DISP3: variants seen among roughly 807,000 people sequenced by gnomAD.
DISP3 encodes dispatched RND transporter family member 3, also known as protein dispatched homolog 3.
Under a neutral mutation model 135.3 loss-of-function variants are expected in DISP3, and 101 were observed. That is an observed-to-expected ratio of 0.75 (90% CI 0.64 to 0.88). DISP3 has a LOEUF of 0.88. Among genes scored for constraint, DISP3 ranks in the 40% least tolerant of loss-of-function variants. DISP3 has a pLI of 0.00. For missense variants in DISP3, 1,713 were observed against 1,878.6 expected (o/e 0.91, Z 1.63); for synonymous variants, 856 against 817.0 (o/e 1.05, Z -0.81).
At position 11,522,958 on chromosome 1, in the gene DISP3, G is replaced by A. The variant is rs995260624; in HGVS notation, c.2363-984G>A. ...CAGGACCCAGCCAGAGCCCAACCAG[G>A]ACCCAGCCAGGACCCAGCCGGAGCC... On this transcript the variant is annotated intron_variant, in intron 10 of 20. Coordinates refer to ENST00000294484, the MANE Select transcript of DISP3 (RefSeq NM_020780.2). Among the ~76,000 whole-genome samples, 55 of 130,336 alleles carry A rather than the reference G, an allele frequency of 4.2e-4. 3 individuals carry two copies. The highest frequency in any genetic ancestry group is 1.0e-3 in the African/African-American group (31 of 30,328). 85.5% of individuals were successfully genotyped at this position (130,336 alleles called of 152,430 possible). A position where few individuals can be genotyped will look rare whatever the true frequency, so the allele number is the denominator to read the frequency against.
chr1:11,526,942 CA>C, intron 13 of DISP3, 107 bp downstream of exon 13: 1 of 1,268,442 alleles, frequency 7.9e-7, no homozygotes, highest in South Asian at 1.6e-5. Flanking sequence ...CAGGCCCCCT[CA>C]CTTTTTTTTT....
Position 11,502,736 on chromosome 1 carries a change from C to T in DISP3, c.1155C>T (p.Leu385=), listed in dbSNP as rs115913448. Reference sequence around the variant, plus strand: ...TCTACTGGTATGTGGATGAGGGCCTCTCTGCAGACAATCTGAAGAGCTCCC... The same window carrying T: ...TCTACTGGTATGTGGATGAGGGCCTTTCTGCAGACAATCTGAAGAGCTCCC... ...PEFYWYVDEG[L]SADNLKSSLL... The change falls in exon 3 of 21, where the codon CTC becomes CTT. Residue 385 remains leucine (L), a synonymous_variant. Coordinates refer to ENST00000294484, the MANE Select transcript of DISP3 (RefSeq NM_020780.2). 123 of 1,614,194 alleles carry T rather than the reference C, an allele frequency of 7.6e-5. No homozygotes were observed. Among genetic ancestry groups the T allele is most frequent in the Non-Finnish European group, 9.8e-5 (116 of 1,180,032 alleles).
chr1:11,516,157 C>G lies in DISP3; in HGVS notation c.1745C>G (p.Ser582Cys). 6.2e-7 allele frequency: 1 copy of G among 1,613,650 alleles called. No individual in the cohort carries two copies. The highest frequency in any genetic ancestry group is 8.5e-7 in the Non-Finnish European group (1 of 1,179,702). Residue 582 changes from serine to cysteine, a missense_variant, in exon 6 of 21, where the codon TCC (serine) becomes TGC (cysteine). Physicochemically the swap from Ser to Cys is moderately radical, Grantham distance 112. Transcript: ENST00000294484. This position sits in a 1 kb window ranked among gnomAD's most constrained non-coding sequence, Gnocchi z 5.1. ...GCCGCCTACGCAGCTAACGTCTTCT[C>G]CCAGGTGCGGACCTGTCCTCCATTC... ...TAAAYAANVF[S>C]QIPAVHDFGL...
chr1:11,530,794 G>A, intron 15 of DISP3, 113 bp from the exon 16 acceptor site: 2 of 1,410,820 alleles, frequency 1.4e-6, no homozygotes, highest in East Asian at 4.7e-5. Flanking sequence ...ACATGAGGGT[G>A]ACAGGTAGCA....
In DISP3 at chr1:11,502,756, G is replaced by A. The variant is rs1213975500; in HGVS notation, c.1175G>A (p.Ser392Asn). 3 of 1,614,202 alleles carry A rather than the reference G, an allele frequency of 1.9e-6. No individual in the cohort carries two copies. Among genetic ancestry groups the A allele is most frequent in the Non-Finnish European group, 2.5e-6 (3 of 1,180,032 alleles). The stretch of plus-strand genomic sequence containing the variant: ...GGCCTCTCTGCAGACAATCTGAAGA[G>A]CTCCCTCCTGCGCAGTGAGATCCTG... The part of the protein sequence containing the change: ...DEGLSADNLK[S>N]SLLRSEILFG... The change falls in exon 3 of 21, where the codon AGC becomes AAC. Residue 392 changes from serine to asparagine, a missense_variant. This residue lies in a region of DISP3 where 1,142 missense variants were observed against 1,384.6 expected (regional missense o/e 0.82). Coordinates refer to ENST00000294484, the MANE Select transcript of DISP3 (RefSeq NM_020780.2).
chr1:11,531,645 C>T lies in DISP3; in HGVS notation c.3310C>T (p.Leu1104=). ...LPEPNLLPGQ[L]SHGAVGVREG... ...CGAGCCCAACCTGCTCCCGGGGCAGCTGTCCCACGGGGCAGTGGGCGTCAG... is the reference window on the plus strand; with the variant it reads ...CGAGCCCAACCTGCTCCCGGGGCAGTTGTCCCACGGGGCAGTGGGCGTCAG... The change falls in exon 17 of 21, where the codon CTG becomes TTG. Residue 1104 remains leucine, a synonymous_variant. Coordinates refer to ENST00000294484, the MANE Select transcript of DISP3 (RefSeq NM_020780.2). The surrounding 1 kb of genome is among the most constrained non-coding windows in gnomAD (Gnocchi z 5.2). The T allele has an allele frequency of 6.2e-7, 1 of 1,613,306 alleles. No individual in the cohort carries two copies. Among genetic ancestry groups the T allele is most frequent in the Non-Finnish European group, 8.5e-7 (1 of 1,179,828 alleles).
chr1:11,531,753 C>T lies in DISP3; in HGVS notation c.3375+43C>T. 1.3e-6 allele frequency: 2 copies of T among 1,551,108 alleles called. No homozygotes were observed. Among genetic ancestry groups the T allele is most frequent in the Non-Finnish European group, 1.7e-6 (2 of 1,148,154 alleles). On this transcript the variant is annotated intron_variant, in intron 17 of 20. Coordinates refer to ENST00000294484, the MANE Select transcript of DISP3 (RefSeq NM_020780.2). The surrounding 1 kb of genome is among the most constrained non-coding windows in gnomAD (Gnocchi z 5.2). ...CACTGGGTGCCATGCTGCGTACTTG[C>T]CCGGGGTGTGCCACCTCTGATCCCA... is the stretch of plus-strand genomic sequence containing the variant.
rs770058145 is a variant in DISP3, at chr1:11,535,573, G to A, written c.3745G>A (p.Val1249Met). The A allele has an allele frequency of 4.3e-6, 7 of 1,613,304 alleles. No individual in the cohort carries two copies. The highest frequency in any genetic ancestry group is 1.7e-5 in the Admixed American group (1 of 59,974). ...CCTGTCCATCCTCGTTGGCTCCTCC[G>A]TGGATTACTGCGTCCACCTGGTCGA... Reference protein sequence around the residue: ...ISLSILVGSSVDYCVHLVEGY... With the variant: ...ISLSILVGSSMDYCVHLVEGY... Residue 1249 changes from valine (V) to methionine (M), a missense_variant, in exon 20 of 21, where the codon GTG becomes ATG. Coordinates refer to ENST00000294484, the MANE Select transcript of DISP3 (RefSeq NM_020780.2).
chr1:11,507,877 T>C (rs1476624209), intron 3 of DISP3, among the ~76,000 whole-genome samples: 1 of 152,262 alleles, frequency 6.6e-6, no homozygotes, highest in Non-Finnish European at 1.5e-5. Context: ...AGATACTCTA[T>C]AAATGCTTTT....
At chr1:11,525,669 C>T (rs1182007308) in intron 12 of DISP3, among the ~76,000 whole-genome samples, 2 of 152,264 alleles carry the variant, frequency 1.3e-5, no homozygotes, top group African/African-American at 4.8e-5. Flanking sequence ...CCGTGCAGAA[C>T]GCCTGGGTGC....
intron 3 of DISP3, 102 bp downstream of exon 3, chr1:11,502,999 T>G: frequency 3.7e-6 from 4 of 1,093,360 alleles, no homozygotes; most frequent in Non-Finnish European, 5.2e-6. Flanking sequence ...TCTTTTCCTT[T>G]GGAAGTCTTT....
At position 11,516,250 on chromosome 1, in the gene DISP3, A is replaced by G; in HGVS notation, c.1749+89A>G. 4 of 1,488,348 alleles carry G rather than the reference A, an allele frequency of 2.7e-6. No individual in the cohort carries two copies. The highest frequency in any genetic ancestry group is 3.7e-6 in the Non-Finnish European group (4 of 1,090,230). The allele number at this position is 1,488,348 out of a possible 1,614,324, so 92.2% of individuals were successfully genotyped here. On this transcript the variant is annotated intron_variant, in intron 6 of 20. Transcript: ENST00000294484. This position sits in a 1 kb window ranked among gnomAD's most constrained non-coding sequence, Gnocchi z 5.1. ...TCTCTGCCCTTCCCACCACCGCTTGAGTGGCCATATAGCCTTCACCTCAAG... is the reference window on the plus strand; with the variant it reads ...TCTCTGCCCTTCCCACCACCGCTTGGGTGGCCATATAGCCTTCACCTCAAG...
intron 1 of DISP3, among the ~76,000 whole-genome samples, chr1:11,496,041 T>TA (rs1323149501): frequency 6.6e-6 from 1 of 151,892 alleles, no homozygotes; most frequent in Non-Finnish European, 1.5e-5. Flanking sequence ...AAGGAGAAAA[T>TA]AAAAATCACC....
intron 1 of DISP3, among the ~76,000 whole-genome samples, chr1:11,484,686 C>CT (rs1640988721): frequency 6.6e-6 from 1 of 152,230 alleles, no homozygotes; most frequent in African/African-American, 2.4e-5. Context: ...GGGGAACCTG[C>CT]CAGTTTGGAA....
chr1:11,513,000 G>A (rs959962513), intron 3 of DISP3, among the ~76,000 whole-genome samples: 9 of 152,060 alleles, frequency 5.9e-5, no homozygotes, highest in Admixed American at 6.6e-5. Context: ...GGGAAAGACC[G>A]GCCCCCATGA....
Position 11,519,953 on chromosome 1 carries a change from C to T in DISP3, c.2200+73C>T. On this transcript the variant is annotated intron_variant, in intron 9 of 20. Coordinates refer to ENST00000294484, the MANE Select transcript of DISP3 (RefSeq NM_020780.2). The surrounding 1 kb of genome is among the most constrained non-coding windows in gnomAD (Gnocchi z 4.3). ...AAAACACACAGGAACTGGGAGCCCA[C>T]CCCCTCTCGCAGATGCCCCAGGGTC... is the stretch of plus-strand genomic sequence containing the variant. The T allele has an allele frequency of 4.1e-6, 6 of 1,456,514 alleles. No individual in the cohort carries two copies. Among genetic ancestry groups the T allele is most frequent in the Admixed American group, 1.9e-5 (1 of 52,286 alleles). The allele number at this position is 1,456,514 out of a possible 1,614,324, so 90.2% of individuals were successfully genotyped here.
At chr1:11,488,634 GCT>G (rs149846427) in intron 1 of DISP3, among the ~76,000 whole-genome samples, 2,257 of 92,440 alleles carry the variant, frequency 0.024, 60 homozygotes, top group African/African-American at 0.086. Context: ...GAGGGCAGAT[GCT>G]CTGTGTGTGT....
chr1:11,480,385 A>G lies in DISP3; in HGVS notation c.-4+1013A>G, dbSNP rs561284382. ...TCTACAGACCACTGGAAAACAGTCC[A>G]CACACATACACTCGCGCAAGTACAC... On this transcript the variant is annotated intron_variant, in intron 1 of 20. Coordinates refer to ENST00000294484, the MANE Select transcript of DISP3 (RefSeq NM_020780.2). Among the ~76,000 whole-genome samples, 3 of 152,218 alleles carry G rather than the reference A, an allele frequency of 2.0e-5. No individual in the cohort carries two copies. The East Asian group carries it at 5.8e-4, about 29-fold the overall frequency.
chr1:11,515,808 T>C (rs1641995154), intron 5 of DISP3, among the ~76,000 whole-genome samples, 193 bp from the exon 6 acceptor site: 1 of 142,454 alleles, frequency 7.0e-6, no homozygotes, highest in South Asian at 2.3e-4. Context: ...GGCCAAGGAG[T>C]GTGGTGGGTG....
Sources: allele counts gnomAD v4.1 joint callset (sites outside exome capture counted in the v4.1 genomes callset), GRCh38; gene constraint gnomAD v4.1.1; regional missense constraint gnomAD v4.1.1; non-coding constraint Gnocchi (gnomAD v3.1); transcripts MANE v1.5; gene names NCBI Gene and HGNC (gene_info 2026-07-23, HGNC 2026-07-21).